Variants in GSTA1 observed in about 807,000 individuals in gnomAD.
GSTA1 encodes glutathione S-transferase alpha 1, also known as glutathione S-transferase A1.
In GSTA1, 23 loss-of-function variants were observed where a neutral mutation model predicts 21.5. The ratio of observed to expected loss-of-function variants is 1.07; its 90% confidence interval spans 0.77 to 1.52. The LOEUF is 1.52. Ranked by LOEUF, GSTA1 falls within the 40% of genes most tolerant of loss-of-function variation. The pLI is 0.00. For missense variants in GSTA1, 301 were observed against 264.2 expected, an observed-to-expected ratio of 1.14 and a Z score of -0.96; for synonymous variants, 125 against 90.0, an observed-to-expected ratio of 1.39 and a Z score of -2.20.
At chr6:52,801,593 A>AAC (rs144308355) in intron 1 of GSTA1, among the ~76,000 whole-genome samples, 1,690 of 152,312 alleles carry the variant, frequency 0.011, 30 homozygotes, top group African/African-American at 0.038. Flanking sequence ...ATTTTATCAC[A>AAC]ACACTCCTGC....
intron 4 of GSTA1, 94 bp from the exon 5 acceptor site, chr6:52,794,360 C>G: frequency 8.1e-7 from 1 of 1,236,832 alleles, no homozygotes. Flanking sequence ...CAGGTGATGG[C>G]AAAATAATTC....
intron 5 of GSTA1, among the ~76,000 whole-genome samples, 158 bp from the exon 6 acceptor site, chr6:52,793,145 G>A (rs763545746): frequency 1.3e-5 from 2 of 152,130 alleles, no homozygotes; most frequent in Admixed American, 6.5e-5. Flanking sequence ...GAATGAATGA[G>A]AGAGTAAGAA....
chr6:52,799,375 A>G, intron 1 of GSTA1, 78 bp from the exon 2 acceptor site: 2 of 890,498 alleles, frequency 2.2e-6, no homozygotes, highest in Non-Finnish European at 3.5e-6. Flanking sequence ...GTTGAAAACC[A>G]CCAACAATAC....
intron 1 of GSTA1, 80 bp from the exon 2 acceptor site, chr6:52,799,377 C>T: frequency 1.1e-6 from 1 of 885,530 alleles, no homozygotes; most frequent in Non-Finnish European, 1.8e-6. Flanking sequence ...TGAAAACCAC[C>T]AACAATACTG....
Position 52,791,861 on chromosome 6 carries a change from A to C in GSTA1, c.666T>G (p.Phe222Leu), listed in dbSNP as rs1328021345. Residue 222 changes from phenylalanine (F) to leucine (L), a missense_variant, in exon 7 of 7, where the codon TTT (phenylalanine) becomes TTG (leucine). By Grantham distance (22) the Phe-to-Leu change is conservative. Transcript: ENST00000334575. ...CTTGGCCTCCATGACTGCGTTATTA[A>C]AACCTGAAAATCTTCCTTGCTTCTT... ...SLEEARKIFR[F>L] 4.3e-6 allele frequency: 7 copies of C among 1,613,912 alleles called. No individual in the cohort carries two copies. In the African/African-American group the frequency reaches 8.0e-5, roughly 18 times the overall value.
At chr6:52,797,712 G>T in intron 2 of GSTA1, 75 bp from the exon 3 acceptor site, 1 of 1,243,588 alleles carries the variant, frequency 8.0e-7, no homozygotes, top group Non-Finnish European at 1.2e-6. Context: ...GGCCCCATCT[G>T]GTGCATCATT....
At chr6:52,795,722 C>G (rs566030632) in intron 4 of GSTA1, among the ~76,000 whole-genome samples, 2 of 152,148 alleles carry the variant, frequency 1.3e-5, no homozygotes, top group Non-Finnish European at 2.9e-5. Context: ...AGTTGATATA[C>G]TTGGTTGGTA....
chr6:52,796,455 CTATATATATATATATATATATA>C lies in GSTA1; in HGVS notation c.140-163_140-142del, dbSNP rs70977384. 3.9e-3 allele frequency: 989 copies of C among 251,574 alleles called. 93 individuals are homozygous for C. The highest frequency in any genetic ancestry group is 7.2e-3 in the African/African-American group (87 of 12,098). 15.6% of individuals were successfully genotyped at this position (251,574 alleles called of 1,614,324 possible). On this transcript the variant is annotated intron_variant, in intron 3 of 6. Coordinates refer to ENST00000334575, the MANE Select transcript of GSTA1 (RefSeq NM_145740.5). The stretch of plus-strand genomic sequence containing the variant: ...GGTAAGATTTCACTTGAAACAAAAA[CTATATATATATATATATATATA>C]TATATATATATATGTGTGTGTGTGT...
At chr6:52,803,286 T>C (rs1196777583) in intron 1 of GSTA1, among the ~76,000 whole-genome samples, 2 of 152,192 alleles carry the variant, frequency 1.3e-5, no homozygotes, top group African/African-American at 4.8e-5. Flanking sequence ...GACTTGTCTT[T>C]GAGCTAATTA....
In GSTA1 at chr6:52,799,231, G is replaced by A. The variant is rs199846502; in HGVS notation, c.37C>T (p.Arg13Trp). ...EKPKLHYFNA[R>W]GRMESTRWLL... ...CACCGGGTGGACTCCATTCTGCCCC[G>A]TGCATTGAAGTAGTGGAGCTTGGGC... Residue 13 changes from arginine to tryptophan, a missense_variant, in exon 2 of 7, where the codon CGG becomes TGG. By Grantham distance (101) the Arg-to-Trp change is moderately radical. Transcript: ENST00000334575. 107 of 1,613,778 alleles carry A rather than the reference G, an allele frequency of 6.6e-5. No homozygotes were observed. The highest frequency in any genetic ancestry group is 1.6e-4 in the Middle Eastern group (1 of 6,080).
chr6:52,796,543 A>ATATATATTTT (rs1300549721), intron 3 of GSTA1, among the ~76,000 whole-genome samples: 35 of 23,742 alleles, frequency 1.5e-3, no homozygotes, highest in Non-Finnish European at 2.3e-3. Flanking sequence ...ATATATATAT[A>ATATATATTTT]TTTTTTTTTT....
At chr6:52,796,512 T>G (rs1763590282) in intron 3 of GSTA1, among the ~76,000 whole-genome samples, 198 bp from the exon 4 acceptor site, 1 of 20,832 alleles carries the variant, frequency 4.8e-5, no homozygotes, top group Non-Finnish European at 1.3e-4. Flanking sequence ...TGTGTGTGTG[T>G]GTGTGTGTGT....
In GSTA1 at chr6:52,796,321, A is replaced by C; in HGVS notation, c.140-7T>G. On this transcript the variant is annotated splice_polypyrimidine_tract_variant and splice_region_variant and intron_variant, in intron 3 of 6. Coordinates refer to ENST00000334575, the MANE Select transcript of GSTA1 (RefSeq NM_145740.5). Reference sequence around the variant, plus strand: ...TGGAACATCAAATATCCATCTTTAGAAGGAAGAAAAAAAAGGAGAGTGAAG... The same window carrying C: ...TGGAACATCAAATATCCATCTTTAGCAGGAAGAAAAAAAAGGAGAGTGAAG... 6.2e-7 allele frequency: 1 copy of C among 1,613,606 alleles called. No homozygotes were observed. The highest frequency in any genetic ancestry group is 1.1e-5 in the South Asian group (1 of 91,044).
intron 2 of GSTA1, 117 bp from the exon 3 acceptor site, chr6:52,797,754 G>A (rs374361872): frequency 1.2e-6 from 1 of 869,020 alleles, no homozygotes; most frequent in South Asian, 1.5e-5. Flanking sequence ...GTTTGGCAGG[G>A]TACACAGAGG....
intron 3 of GSTA1, among the ~76,000 whole-genome samples, chr6:52,796,543 A>ATATATTTTTTTTTTTTTTTT (rs1300549721): frequency 8.4e-5 from 2 of 23,760 alleles, no homozygotes; most frequent in Admixed American, 1.3e-3. Flanking sequence ...ATATATATAT[A>ATATATTTTTTTTTTTTTTTT]TTTTTTTTTT....
Position 52,794,280 on chromosome 6 carries a change from A to C in GSTA1, c.273-14T>G. On this transcript the variant is annotated splice_polypyrimidine_tract_variant and intron_variant, in intron 4 of 6. Transcript: ENST00000334575. Reference sequence around the variant, plus strand: ...TACATATCAATCCTGAAAGACAGAAACAACCAAATGGTCAAATACCTTTTG... The same window carrying C: ...TACATATCAATCCTGAAAGACAGAACCAACCAAATGGTCAAATACCTTTTG... 1 of 1,605,914 alleles carries C rather than the reference A, an allele frequency of 6.2e-7. No individual in the cohort carries two copies. The highest frequency in any genetic ancestry group is 8.5e-7 in the Non-Finnish European group (1 of 1,175,596).
intron 1 of GSTA1, among the ~76,000 whole-genome samples, chr6:52,799,733 A>G (rs551888346): frequency 6.6e-6 from 1 of 152,342 alleles, no homozygotes; most frequent in East Asian, 1.9e-4. Flanking sequence ...GAAATGGAAC[A>G]TCAGAGAAAT....
intron 6 of GSTA1, 153 bp downstream of exon 6, chr6:52,792,703 T>C (rs1763485494): frequency 1.3e-6 from 2 of 1,578,598 alleles, no homozygotes; most frequent in Non-Finnish European, 1.7e-6. Context: ...TTTTCATTCC[T>C]CAAAATTGGA....
intron 1 of GSTA1, among the ~76,000 whole-genome samples, chr6:52,799,773 G>A (rs1166311091): frequency 1.3e-5 from 2 of 152,202 alleles, no homozygotes; most frequent in African/African-American, 2.4e-5. Flanking sequence ...TCCGGTTGGT[G>A]ATGGACATGA....
Sources: allele counts gnomAD v4.1 joint callset (sites outside exome capture counted in the v4.1 genomes callset), GRCh38; gene constraint gnomAD v4.1.1; transcripts MANE v1.5; gene names NCBI Gene and HGNC (gene_info 2026-07-23, HGNC 2026-07-21).